The following MACROD2 variants were observed in gnomAD, a reference collection of about 807,000 sequenced individuals.
The protein encoded by MACROD2 is mono-ADP ribosylhydrolase 2.
A neutral mutation model predicts 70.4 loss-of-function variants in MACROD2; 36 were observed. The ratio of observed to expected loss-of-function variants is 0.51; its 90% CI spans 0.39 to 0.68. The LOEUF (loss-of-function observed/expected upper bound fraction) is 0.68, where lower values mean the gene tolerates loss of function less well. MACROD2 is among the 30% of genes least tolerant of loss of function. MACROD2 has a pLI of 0.00. For synonymous variants in MACROD2, 172 were observed against 178.8 expected, an observed-to-expected ratio of 0.96 and a Z score of 0.30; for missense variants, 496 against 538.4, an observed-to-expected ratio of 0.92 and a Z score of 0.78.
chr20:15,609,524 T>G (rs2048938107), intron 8 of MACROD2, among the ~76,000 whole-genome samples: 1 of 152,220 alleles, frequency 6.6e-6, no homozygotes. Flanking sequence ...TCTGAGTTAA[T>G]TTGGAATACA....
chr20:14,589,988 A>G (rs1175214459), intron 4 of MACROD2, among the ~76,000 whole-genome samples: 2 of 152,176 alleles, frequency 1.3e-5, no homozygotes, highest in Non-Finnish European at 2.9e-5. Flanking sequence ...GAGCCATGGC[A>G]TACATTTGTA....
rs560726945 is a variant in MACROD2, at chr20:15,752,883, A to T, written c.646-109862A>T. Reference sequence around the variant, plus strand: ...GGTCTTAGAGATGAGAGGATGAACTATGAAAATAAGATTTAGCATATGAAG... The same window carrying T: ...GGTCTTAGAGATGAGAGGATGAACTTTGAAAATAAGATTTAGCATATGAAG... On this transcript the variant is annotated intron_variant, in intron 8 of 17. Coordinates refer to ENST00000684519, the MANE Select transcript of MACROD2 (RefSeq NM_001351661.2). 7.9e-5 allele frequency among the ~76,000 whole-genome samples: 12 copies of T among 152,290 alleles called. No homozygotes were observed. The South Asian group carries it at 2.5e-3, about 32-fold the overall frequency.
chr20:14,811,102 G>A (rs1418268204), intron 5 of MACROD2, among the ~76,000 whole-genome samples: 2 of 151,948 alleles, frequency 1.3e-5, no homozygotes, highest in Non-Finnish European at 2.9e-5. Context: ...AATTTCATAT[G>A]GAAACAAAAA....
chr20:15,095,071 T>TC (rs1269001158), intron 5 of MACROD2, among the ~76,000 whole-genome samples: 44 of 58,560 alleles, frequency 7.5e-4, no homozygotes, highest in African/African-American at 4.2e-3. Context: ...CTTCTTTTTT[T>TC]TTTTTTTTTT....
intron 5 of MACROD2, among the ~76,000 whole-genome samples, chr20:14,790,411 ATATTTCAGAGG>A (rs1326617317): frequency 1.3e-5 from 2 of 152,096 alleles, no homozygotes; most frequent in Non-Finnish European, 2.9e-5. Flanking sequence ...ATTATATGTC[ATATTTCAGAGG>A]TACTTCCATA....
intron 4 of MACROD2, among the ~76,000 whole-genome samples, chr20:14,594,669 G>A (rs151198701): frequency 0.025 from 3,856 of 152,300 alleles, 170 homozygotes; most frequent in African/African-American, 0.089. Flanking sequence ...CAAGGCAGGC[G>A]GATCATGAGG....
At chr20:14,877,468 G>T (rs1276224095) in intron 5 of MACROD2, among the ~76,000 whole-genome samples, 1 of 151,910 alleles carries the variant, frequency 6.6e-6, no homozygotes, top group Non-Finnish European at 1.5e-5. Context: ...GATAGCTCTG[G>T]CTAGGACTTT....
intron 2 of MACROD2, among the ~76,000 whole-genome samples, chr20:14,036,037 G>C (rs993802895): frequency 1.3e-5 from 2 of 152,134 alleles, no homozygotes; most frequent in African/African-American, 4.8e-5. Context: ...AGCTAGTCTG[G>C]AGGCTGAGGC....
chr20:15,460,063 GAT>G (rs2146411532), intron 7 of MACROD2, among the ~76,000 whole-genome samples: 1 of 152,184 alleles, frequency 6.6e-6, no homozygotes, highest in South Asian at 2.1e-4. Flanking sequence ...CCCCTAGAGT[GAT>G]GTTTTGGGTA....
chr20:14,351,793 G>C (rs778947772), intron 3 of MACROD2, among the ~76,000 whole-genome samples: 2 of 152,158 alleles, frequency 1.3e-5, no homozygotes, highest in Non-Finnish European at 2.9e-5. Flanking sequence ...AGTGGTGAGA[G>C]TGGGCATCCT....
chr20:15,180,189 T>C (rs2076490481), intron 5 of MACROD2, among the ~76,000 whole-genome samples: 1 of 152,238 alleles, frequency 6.6e-6, no homozygotes, highest in Admixed American at 6.5e-5. Flanking sequence ...TCAGAGGTAC[T>C]GGGGCTTGGG....
chr20:14,477,349 G>A (rs1459232991), intron 3 of MACROD2, among the ~76,000 whole-genome samples: 1 of 152,144 alleles, frequency 6.6e-6, no homozygotes, highest in Non-Finnish European at 1.5e-5. Context: ...GTCATCTGTG[G>A]CATGATTTCA....
chr20:14,207,508 T>G (rs2081534450), intron 3 of MACROD2, among the ~76,000 whole-genome samples: 1 of 152,222 alleles, frequency 6.6e-6, no homozygotes, highest in South Asian at 2.1e-4. Context: ...AATAATGGTT[T>G]CAGTTGTTTC....
chr20:15,868,907 C>A (rs901880009), intron 9 of MACROD2, among the ~76,000 whole-genome samples: 1 of 151,848 alleles, frequency 6.6e-6, no homozygotes, highest in African/African-American at 2.4e-5. Context: ...GTTTCAACTT[C>A]CTGGGTGGCT....
At chr20:15,467,399 C>T (rs912484543) in intron 7 of MACROD2, among the ~76,000 whole-genome samples, 2 of 152,194 alleles carry the variant, frequency 1.3e-5, no homozygotes, top group African/African-American at 4.8e-5. Flanking sequence ...GCCTGAAGGT[C>T]AGCTTGTGGA....
intron 3 of MACROD2, among the ~76,000 whole-genome samples, chr20:14,251,079 A>G (rs1351201271): frequency 2.0e-5 from 3 of 152,184 alleles, no homozygotes; most frequent in South Asian, 4.1e-4. Context: ...TGGCACTTCT[A>G]GATTCATAAA....
At chr20:14,703,869 G>C (rs2071236457) in intron 5 of MACROD2, among the ~76,000 whole-genome samples, 1 of 151,980 alleles carries the variant, frequency 6.6e-6, no homozygotes, top group Non-Finnish European at 1.5e-5. Flanking sequence ...TGGGACTACT[G>C]GCGCACACTA....
chr20:15,765,479 G>T (rs982753165), intron 8 of MACROD2, among the ~76,000 whole-genome samples: 1 of 152,156 alleles, frequency 6.6e-6, no homozygotes, highest in Non-Finnish European at 1.5e-5. Context: ...TTATTGAACG[G>T]TGTATTGTTC....
intron 5 of MACROD2, among the ~76,000 whole-genome samples, chr20:15,180,922 C>T (rs553922125): frequency 6.6e-5 from 10 of 152,270 alleles, no homozygotes; most frequent in South Asian, 2.1e-4. Context: ...TTAATTATGT[C>T]GTAAACATTT....
Sources: gnomAD v4.1 joint callset for allele counts (sites outside exome capture counted in the v4.1 genomes callset) on GRCh38, gnomAD v4.1.1 for gene constraint, MANE v1.5 for transcripts, NCBI Gene and HGNC (gene_info 2026-07-23, HGNC 2026-07-21) for gene names.